Variants in C2CD4A observed in about 807,000 individuals in gnomAD.
C2CD4A encodes the protein C2 calcium-dependent domain-containing protein 4A.
Under a neutral mutation model 0.4 loss-of-function variants are expected in C2CD4A, and 2 were observed. That is an observed-to-expected ratio of 4.45 (90% confidence interval 1.82 to 13.99). C2CD4A has a LOEUF of 13.99. Among genes scored for constraint, C2CD4A ranks in the 30% most tolerant of loss-of-function variants. C2CD4A has a pLI of 0.04. For synonymous variants in C2CD4A, 297 were observed against 280.8 expected, an observed-to-expected ratio of 1.06 and a Z score of -0.58; for missense variants, 610 against 574.2, an observed-to-expected ratio of 1.06 and a Z score of -0.64.
At position 62,068,279 on chromosome 15, in the gene C2CD4A, C is replaced by A. The variant is rs747158134; in HGVS notation, c.666C>A (p.Ser222=). The A allele has an allele frequency of 7.2e-7, 1 of 1,390,176 alleles. No individual in the cohort carries two copies. 86.1% of individuals were successfully genotyped at this position (1,390,176 alleles called of 1,614,324 possible). A position where few individuals can be genotyped will look rare whatever the true frequency, so the allele number is the denominator to read the frequency against. Residue 222 remains serine, a synonymous_variant, in exon 2 of 2, where the codon TCC becomes TCA. Transcript: ENST00000355522. ...AGGAGCGCCGCGCGGGCTCCCAGTC[C>A]CCGGCCCGGGCCCCCTCCACGAGCC... The part of the protein sequence containing the change: ...EDKERRAGSQ[S]PARAPSTSPP...
Position 62,067,705 on chromosome 15 carries a change from C to T in C2CD4A, c.92C>T (p.Ser31Phe). The T allele has an allele frequency of 1.2e-6, 2 of 1,609,928 alleles. No homozygotes were observed. The highest frequency in any genetic ancestry group is 1.1e-5 in the South Asian group (1 of 91,060). The change falls in exon 2 of 2, where the codon TCT becomes TTT. Residue 31 changes from serine to phenylalanine, a missense_variant. Coordinates refer to ENST00000355522, the MANE Select transcript of C2CD4A (RefSeq NM_207322.3). ...CCGGGTCGGGCCCGCGGAGCCAAGT[C>T]TCGCACCACCGCCGCGTGCGCAAAT... ...LLPGRARGAK[S>F]RTTAACANVL... is the part of the protein sequence containing the mutation.
rs1488856677 is a variant in C2CD4A at position 62,069,177 on chromosome 15, CCAAGAT to C, written c.*458_*463del. 1 of 172,622 alleles carries C rather than the reference CCAAGAT, an allele frequency of 5.8e-6. No homozygotes were observed. The highest frequency in any genetic ancestry group is 2.4e-5 in the African/African-American group (1 of 41,690). 10.7% of individuals were successfully genotyped at this position (172,622 alleles called of 1,614,324 possible). A position where few individuals can be genotyped will look rare whatever the true frequency, so the allele number is the denominator to read the frequency against. Reference sequence around the variant, plus strand: ...GGGCAAAAGAGGTGAAGTGACTTGTCCAAGATCAACAGTGAATTATTAGTTGGAACG... The same window carrying C: ...GGGCAAAAGAGGTGAAGTGACTTGTCCAACAGTGAATTATTAGTTGGAACG... On this transcript the variant is annotated 3_prime_UTR_variant, in exon 2 of 2. Coordinates refer to ENST00000355522, the MANE Select transcript of C2CD4A (RefSeq NM_207322.3).
chr15:62,068,293 C>G lies in C2CD4A; in HGVS notation c.680C>G (p.Pro227Arg). Reference sequence around the variant, plus strand: ...GGCTCCCAGTCCCCGGCCCGGGCCCCCTCCACGAGCCCGCCGTCGTCCCGG... The same window carrying G: ...GGCTCCCAGTCCCCGGCCCGGGCCCGCTCCACGAGCCCGCCGTCGTCCCGG... ...RAGSQSPARA[P>R]STSPPSSRVP... The change falls in exon 2 of 2, where the codon CCC becomes CGC. Residue 227 changes from proline (P) to arginine (R), a missense_variant. Transcript: ENST00000355522. 7.1e-7 allele frequency: 1 copy of G among 1,413,090 alleles called. No homozygotes were observed. The highest frequency in any genetic ancestry group is 1.4e-5 in the South Asian group (1 of 69,362). 87.5% of individuals were successfully genotyped at this position (1,413,090 alleles called of 1,614,324 possible).
chr15:62,068,315 C>T lies in C2CD4A; in HGVS notation c.702C>T (p.Ser234=), dbSNP rs1193431280. 4 of 1,419,198 alleles carry T rather than the reference C, an allele frequency of 2.8e-6. No homozygotes were observed. Among genetic ancestry groups the T allele is most frequent in the Non-Finnish European group, 3.7e-6 (4 of 1,087,876 alleles). 87.9% of individuals were successfully genotyped at this position (1,419,198 alleles called of 1,614,324 possible). ...CCCCCTCCACGAGCCCGCCGTCGTC[C>T]CGGGTCCCGTTTCCCGAGCGCCTGG... ...ARAPSTSPPS[S]RVPFPERLEA... The change falls in exon 2 of 2, where the codon TCC becomes TCT. Residue 234 remains serine (S), a synonymous_variant. Transcript: ENST00000355522.
chr15:62,068,678 G>T lies in C2CD4A; in HGVS notation c.1065G>T (p.Leu355=). 1 of 1,545,200 alleles carries T rather than the reference G, an allele frequency of 6.5e-7. No homozygotes were observed. The highest frequency in any genetic ancestry group is 8.7e-7 in the Non-Finnish European group (1 of 1,144,002). ...GCCGCGGCCGGGAGCGGGGCCGCCT[G>T]CTGGGCCAGGGTGAGCTGTCCCTGG... ...DEGRGRERGR[L]LGQGELSLGA... is the part of the protein sequence containing the mutation. Residue 355 remains leucine, a synonymous_variant, in exon 2 of 2, where the codon CTG becomes CTT. Coordinates refer to ENST00000355522, the MANE Select transcript of C2CD4A (RefSeq NM_207322.3).
Position 62,068,447 on chromosome 15 carries a change from G to C in C2CD4A, c.834G>C (p.Glu278Asp). 2 of 1,418,828 alleles carry C rather than the reference G, an allele frequency of 1.4e-6. No homozygotes were observed. The highest frequency in any genetic ancestry group is 1.8e-6 in the Non-Finnish European group (2 of 1,096,024). 87.9% of individuals were successfully genotyped at this position (1,418,828 alleles called of 1,614,324 possible). Residue 278 changes from glutamate to aspartate, a missense_variant, in exon 2 of 2, where the codon GAG becomes GAC. By Grantham distance (45) the Glu-to-Asp change is conservative (BLOSUM62 2). Transcript: ENST00000355522. ...GRLRLRLLRA[E>D]SPAGGAPGPR... ...TCCGCCTCCGGCTGCTCCGCGCCGA[G>C]AGCCCGGCCGGAGGCGCCCCCGGGC... is the stretch of plus-strand genomic sequence containing the variant.
At position 62,068,669 on chromosome 15, in the gene C2CD4A, G is replaced by A; in HGVS notation, c.1056G>A (p.Arg352=). ...KARDEGRGRE[R]GRLLGQGELS... Reference sequence around the variant, plus strand: ...GGGACGAGGGCCGCGGCCGGGAGCGGGGCCGCCTGCTGGGCCAGGGTGAGC... The same window carrying A: ...GGGACGAGGGCCGCGGCCGGGAGCGAGGCCGCCTGCTGGGCCAGGGTGAGC... Residue 352 remains arginine, a synonymous_variant, in exon 2 of 2, where the codon CGG becomes CGA. Coordinates refer to ENST00000355522, the MANE Select transcript of C2CD4A (RefSeq NM_207322.3). 1 of 1,547,194 alleles carries A rather than the reference G, an allele frequency of 6.5e-7. No homozygotes were observed. Among genetic ancestry groups the A allele is most frequent in the African/African-American group, 1.4e-5 (1 of 73,120 alleles).
At position 62,070,047 on chromosome 15, in the gene C2CD4A, GGA is replaced by G. The variant is rs1293638980; in HGVS notation, c.*1328_*1329del. On this transcript the variant is annotated 3_prime_UTR_variant, in exon 2 of 2. Coordinates refer to ENST00000355522, the MANE Select transcript of C2CD4A (RefSeq NM_207322.3). ...GAGTTTATCTGCTGGAACAGGCAGT[GGA>G]GAGTGTACAGATAGCATGGTTTTAC... is the stretch of plus-strand genomic sequence containing the variant. The G allele has an allele frequency of 1.0e-5, 3 of 291,254 alleles. No homozygotes were observed. Among genetic ancestry groups the G allele is most frequent in the Non-Finnish European group, 2.0e-5 (3 of 150,898 alleles). The allele number at this position is 291,254 out of a possible 1,614,324, so 18.0% of individuals were successfully genotyped here.
In C2CD4A at chr15:62,068,106, C is replaced by A; in HGVS notation, c.493C>A (p.Pro165Thr). The A allele has an allele frequency of 8.7e-7, 1 of 1,154,962 alleles. No individual in the cohort carries two copies. Among genetic ancestry groups the A allele is most frequent in the Non-Finnish European group, 1.1e-6 (1 of 941,062 alleles). The allele number at this position is 1,154,962 out of a possible 1,614,324, so 71.5% of individuals were successfully genotyped here. A position where few individuals can be genotyped will look rare whatever the true frequency, so the allele number is the denominator to read the frequency against. Reference sequence around the variant, plus strand: ...GGCGACCCCCGCGGCCCCCGGCTGTCCCCGCCCGCCCCAGGACGCGCTCGC... The same window carrying A: ...GGCGACCCCCGCGGCCCCCGGCTGTACCCGCCCGCCCCAGGACGCGCTCGC... ...GPATPAAPGC[P>T]RPPQDALARR... Residue 165 changes from proline to threonine, a missense_variant, in exon 2 of 2, where the codon CCC becomes ACC. Physicochemically the swap from Pro to Thr is conservative, Grantham distance 38 (BLOSUM62 -1). Transcript: ENST00000355522.
chr15:62,070,771 A>T lies in C2CD4A; in HGVS notation c.*2048A>T. The T allele has an allele frequency of 2.9e-6, 1 of 348,882 alleles. No homozygotes were observed. Among genetic ancestry groups the T allele is most frequent in the Non-Finnish European group, 5.3e-6 (1 of 187,634 alleles). 21.6% of individuals were successfully genotyped at this position (348,882 alleles called of 1,614,324 possible). A position where few individuals can be genotyped will look rare whatever the true frequency, so the allele number is the denominator to read the frequency against. On this transcript the variant is annotated 3_prime_UTR_variant, in exon 2 of 2. Transcript: ENST00000355522. ...AGATCTATCATGTGCTCTTCTATCT[A>T]ATCAGTCAATATTTCCTTGGCCCTC... is the stretch of plus-strand genomic sequence containing the variant.
chr15:62,070,267 A>G lies in C2CD4A; in HGVS notation c.*1544A>G, dbSNP rs2049075528. On this transcript the variant is annotated 3_prime_UTR_variant, in exon 2 of 2. Coordinates refer to ENST00000355522, the MANE Select transcript of C2CD4A (RefSeq NM_207322.3). The stretch of plus-strand genomic sequence containing the variant: ...GGATGGTGTTAAATATGACTCCATT[A>G]TCAATCTGGATTCAGAAATGGTTTC... 2.4e-6 allele frequency: 1 copy of G among 413,052 alleles called. No individual in the cohort carries two copies. The highest frequency in any genetic ancestry group is 4.4e-6 in the Non-Finnish European group (1 of 226,148). The allele number at this position is 413,052 out of a possible 1,614,324, so 25.6% of individuals were successfully genotyped here.
chr15:62,068,420 G>A lies in C2CD4A; in HGVS notation c.807G>A (p.Arg269=). 2.9e-6 allele frequency: 4 copies of A among 1,399,916 alleles called. No individual in the cohort carries two copies. The highest frequency in any genetic ancestry group is 6.1e-5 in the East Asian group (2 of 32,840). The allele number at this position is 1,399,916 out of a possible 1,614,324, so 86.7% of individuals were successfully genotyped here. ...CCGAGTACTGTCCGGGAACCGGGCGGCTCCGCCTCCGGCTGCTCCGCGCCG... is the reference window on the plus strand; with the variant it reads ...CCGAGTACTGTCCGGGAACCGGGCGACTCCGCCTCCGGCTGCTCCGCGCCG... ...LAAEYCPGTG[R]LRLRLLRAES... Residue 269 remains arginine (R), a synonymous_variant, in exon 2 of 2, where the codon CGG becomes CGA. Coordinates refer to ENST00000355522, the MANE Select transcript of C2CD4A (RefSeq NM_207322.3).
Position 62,068,979 on chromosome 15 carries a change from C to CA in C2CD4A, c.*257dup, listed in dbSNP as rs1410290593. ...CCATTTGCATACCATATGTACCACA[C>CA]ACGCCTAGGAAATAATGAATCACAT... is the stretch of plus-strand genomic sequence containing the variant. On this transcript the variant is annotated 3_prime_UTR_variant, in exon 2 of 2. Coordinates refer to ENST00000355522, the MANE Select transcript of C2CD4A (RefSeq NM_207322.3). The CA allele has an allele frequency of 2.4e-6, 1 of 422,258 alleles. No individual in the cohort carries two copies. Among genetic ancestry groups the CA allele is most frequent in the Non-Finnish European group, 4.3e-6 (1 of 234,878 alleles). The allele number at this position is 422,258 out of a possible 1,614,324, so 26.2% of individuals were successfully genotyped here. A position where few individuals can be genotyped will look rare whatever the true frequency, so the allele number is the denominator to read the frequency against.
chr15:62,068,667 C>T lies in C2CD4A; in HGVS notation c.1054C>T (p.Arg352Trp), dbSNP rs2049064011. 1 of 1,547,354 alleles carries T rather than the reference C, an allele frequency of 6.5e-7. No individual in the cohort carries two copies. Among genetic ancestry groups the T allele is most frequent in the Non-Finnish European group, 8.7e-7 (1 of 1,145,084 alleles). ...CCGGGACGAGGGCCGCGGCCGGGAG[C>T]GGGGCCGCCTGCTGGGCCAGGGTGA... ...KARDEGRGRE[R>W]GRLLGQGELS... is the part of the protein sequence containing the mutation. Residue 352 changes from arginine (R) to tryptophan (W), a missense_variant, in exon 2 of 2, where the codon CGG (arginine) becomes TGG (tryptophan). Transcript: ENST00000355522.
chr15:62,070,403 A>T lies in C2CD4A; in HGVS notation c.*1680A>T, dbSNP rs1216687275. 9.7e-6 allele frequency: 4 copies of T among 413,300 alleles called. No homozygotes were observed. The highest frequency in any genetic ancestry group is 4.1e-5 in the African/African-American group (2 of 48,634). The allele number at this position is 413,300 out of a possible 1,614,324, so 25.6% of individuals were successfully genotyped here. On this transcript the variant is annotated 3_prime_UTR_variant, in exon 2 of 2. Transcript: ENST00000355522. ...ACTGCAGCCTCTACCTCCTGACACA[A>T]GCTGTCATCCCGCTTTGGCTTCTCA... is the stretch of plus-strand genomic sequence containing the variant.
Position 62,068,924 on chromosome 15 carries a change from T to C in C2CD4A, c.*201T>C. On this transcript the variant is annotated 3_prime_UTR_variant, in exon 2 of 2. Transcript: ENST00000355522. ...CCAGAATTTTTTTCAGCAAATGGAA[T>C]GGTTCTACAGTGTTTCCCAATATAG... The C allele has an allele frequency of 1.4e-6, 1 of 706,776 alleles. No homozygotes were observed. The highest frequency in any genetic ancestry group is 3.1e-5 in the East Asian group (1 of 32,056). The allele number at this position is 706,776 out of a possible 1,614,324, so 43.8% of individuals were successfully genotyped here.
At chr15:62,067,260 G>C (rs2049050896) in intron 1 of C2CD4A, among the ~76,000 whole-genome samples, 172 bp downstream of exon 1, 1 of 152,200 alleles carries the variant, frequency 6.6e-6, no homozygotes, top group Non-Finnish European at 1.5e-5. Flanking sequence ...ACGATTGCAA[G>C]GCAATCGTTG....
chr15:62,070,599 G>C lies in C2CD4A; in HGVS notation c.*1876G>C. The C allele has an allele frequency of 9.7e-6, 4 of 413,296 alleles. No homozygotes were observed. The highest frequency in any genetic ancestry group is 1.8e-5 in the Non-Finnish European group (4 of 226,016). The allele number at this position is 413,296 out of a possible 1,614,324, so 25.6% of individuals were successfully genotyped here. On this transcript the variant is annotated 3_prime_UTR_variant, in exon 2 of 2. Transcript: ENST00000355522. ...AAAAAAGAAAAGAGTTTCTGTTTCA[G>C]TCACAAATTAGGGTTATTGTGATGT...
In C2CD4A at chr15:62,068,138, G is replaced by A; in HGVS notation, c.525G>A (p.Arg175=). The change falls in exon 2 of 2, where the codon CGG becomes CGA. Residue 175 remains arginine, a synonymous_variant. Coordinates refer to ENST00000355522, the MANE Select transcript of C2CD4A (RefSeq NM_207322.3). ...PRPPQDALAR[R]PRGCRLLRVP... ...CGCCCCAGGACGCGCTCGCCCGGCGGCCCCGCGGCTGCCGCCTCCTGCGCG... is the reference window on the plus strand; with the variant it reads ...CGCCCCAGGACGCGCTCGCCCGGCGACCCCGCGGCTGCCGCCTCCTGCGCG... 8.3e-7 allele frequency: 1 copy of A among 1,203,208 alleles called. No homozygotes were observed. The highest frequency in any genetic ancestry group is 1.0e-6 in the Non-Finnish European group (1 of 971,838). 74.5% of individuals were successfully genotyped at this position (1,203,208 alleles called of 1,614,324 possible). A position where few individuals can be genotyped will look rare whatever the true frequency, so the allele number is the denominator to read the frequency against.
Sources: allele counts gnomAD v4.1 joint callset (sites outside exome capture counted in the v4.1 genomes callset), GRCh38; gene constraint gnomAD v4.1.1; transcripts MANE v1.5; gene names NCBI Gene and HGNC (gene_info 2026-07-23, HGNC 2026-07-21).